CRIM1: variants seen among roughly 807,000 people sequenced by gnomAD.
The protein encoded by CRIM1 is cysteine-rich motor neuron 1 protein.
CRIM1 carries 32 observed loss-of-function variants against 116.4 expected under a neutral mutation model. The ratio of observed to expected loss-of-function variants is 0.27; its 90% confidence interval spans 0.21 to 0.37. The LOEUF (loss-of-function observed/expected upper bound fraction) is 0.37, where lower values mean the gene tolerates loss of function less well. Among genes scored for constraint, CRIM1 ranks in the 10% least tolerant of loss-of-function variants. CRIM1 has a pLI of 1.00. For synonymous variants in CRIM1, 590 were observed against 509.2 expected, an observed-to-expected ratio of 1.16 and a Z score of -2.13; for missense variants, 1,331 against 1,354.8, an observed-to-expected ratio of 0.98 and a Z score of 0.28.
At chr2:36,443,919 A>G (rs1676051691) in intron 4 of CRIM1, among the ~76,000 whole-genome samples, 1 of 152,256 alleles carries the variant, frequency 6.6e-6, no homozygotes, top group Admixed American at 6.5e-5. Context: ...TGTGAAGATA[A>G]CATACATTGG....
intron 2 of CRIM1, among the ~76,000 whole-genome samples, chr2:36,411,254 C>T (rs1673179639): frequency 1.3e-5 from 2 of 152,124 alleles, no homozygotes; most frequent in Admixed American, 1.3e-4. Flanking sequence ...GTTAACACTT[C>T]ATTGCAGCAT....
chr2:36,390,282 G>A (rs1157077105), intron 1 of CRIM1, among the ~76,000 whole-genome samples: 1 of 152,144 alleles, frequency 6.6e-6, no homozygotes, highest in Non-Finnish European at 1.5e-5. Flanking sequence ...GAGAGCTGTT[G>A]GGAAAAAATA....
chr2:36,538,138 C>T (rs1666685888), intron 14 of CRIM1, among the ~76,000 whole-genome samples: 1 of 152,190 alleles, frequency 6.6e-6, no homozygotes, highest in Non-Finnish European at 1.5e-5. Context: ...ATGCCTACAT[C>T]TTTCCCCACG....
At chr2:36,412,201 C>A (rs1031778222) in intron 2 of CRIM1, among the ~76,000 whole-genome samples, 2 of 151,426 alleles carry the variant, frequency 1.3e-5, no homozygotes, top group Admixed American at 1.3e-4. Context: ...TTGAAACATT[C>A]TCAGTAAATA....
At chr2:36,401,451 T>TA (rs1222137293) in intron 2 of CRIM1, among the ~76,000 whole-genome samples, 1 of 152,198 alleles carries the variant, frequency 6.6e-6, no homozygotes, top group Non-Finnish European at 1.5e-5. Context: ...CCTTACTACT[T>TA]ATTCATCAGT....
chr2:36,364,867 G>T (rs1669483405), intron 1 of CRIM1, among the ~76,000 whole-genome samples: 1 of 151,928 alleles, frequency 6.6e-6, no homozygotes, highest in Admixed American at 6.6e-5. Context: ...ATGTGTATAT[G>T]CTAGTTTCTG....
intron 13 of CRIM1, among the ~76,000 whole-genome samples, chr2:36,534,100 AAGG>A (rs1666316435): frequency 1.5e-5 from 2 of 131,396 alleles, no homozygotes; most frequent in Admixed American, 7.7e-5. Flanking sequence ...GAAAGGAAGG[AAGG>A]AGGGAGGGAA....
intron 11 of CRIM1, among the ~76,000 whole-genome samples, chr2:36,516,564 G>A (rs1665043083): frequency 6.6e-6 from 1 of 152,144 alleles, no homozygotes; most frequent in South Asian, 2.1e-4. Context: ...TCACCAGCCT[G>A]CCAGCATTTA....
chr2:36,407,343 A>T (rs1461906034), intron 2 of CRIM1, among the ~76,000 whole-genome samples: 1 of 152,218 alleles, frequency 6.6e-6, no homozygotes, highest in Non-Finnish European at 1.5e-5. Context: ...TAGCGATGTC[A>T]TTGGGAAAGA....
intron 4 of CRIM1, among the ~76,000 whole-genome samples, chr2:36,451,153 A>G (rs1676688323): frequency 6.6e-6 from 1 of 152,256 alleles, no homozygotes; most frequent in African/African-American, 2.4e-5. Flanking sequence ...CATGGAAGGC[A>G]GAACACTGGG....
intron 5 of CRIM1, among the ~76,000 whole-genome samples, chr2:36,471,726 A>AACAC (rs59120248): frequency 0.16 from 12,581 of 78,818 alleles, 706 homozygotes; most frequent in Middle Eastern, 0.26. Context: ...GATTAGCTTA[A>AACAC]ACACACACAC....
At chr2:36,544,625 C>T (rs575085412) in intron 15 of CRIM1, 127 bp downstream of exon 15, 427 of 958,880 alleles carry the variant, frequency 4.5e-4, no homozygotes, top group Non-Finnish European at 5.5e-4. Flanking sequence ...AATAACTATT[C>T]CCGGGCAGAC....
intron 2 of CRIM1, among the ~76,000 whole-genome samples, chr2:36,408,625 G>T (rs941505827): frequency 3.9e-5 from 6 of 152,214 alleles, no homozygotes; most frequent in African/African-American, 1.4e-4. Context: ...CCTGCAGAGC[G>T]GAGCTGCAGC....
chr2:36,530,137 T>C (rs1373423618), intron 13 of CRIM1, among the ~76,000 whole-genome samples: 1 of 152,244 alleles, frequency 6.6e-6, no homozygotes, highest in East Asian at 1.9e-4. Flanking sequence ...TTTAATCATT[T>C]CCTGACAGAA....
chr2:36,509,348 G>A (rs753928838), intron 8 of CRIM1, among the ~76,000 whole-genome samples: 6 of 152,212 alleles, frequency 3.9e-5, no homozygotes, highest in Non-Finnish European at 7.4e-5. Flanking sequence ...TAGAGAAGGC[G>A]AAACCGCATC....
At chr2:36,447,377 A>G (rs1214902197) in intron 4 of CRIM1, among the ~76,000 whole-genome samples, 1 of 152,230 alleles carries the variant, frequency 6.6e-6, no homozygotes, top group Non-Finnish European at 1.5e-5. Context: ...TGCATACCAC[A>G]TACGTGTTTC....
chr2:36,430,780 G>C (rs978322575), intron 2 of CRIM1, among the ~76,000 whole-genome samples: 25 of 152,198 alleles, frequency 1.6e-4, no homozygotes, highest in African/African-American at 6.0e-4. Flanking sequence ...TCTCACCAGG[G>C]AGAGCCTTTA....
intron 1 of CRIM1, among the ~76,000 whole-genome samples, chr2:36,365,635 G>A (rs1212525147): frequency 2.0e-5 from 3 of 152,172 alleles, no homozygotes; most frequent in Non-Finnish European, 4.4e-5. Flanking sequence ...TGCGGGGTAG[G>A]AAGAACACCT....
chr2:36,402,609 G>T (rs1672500701), intron 2 of CRIM1, among the ~76,000 whole-genome samples: 2 of 151,840 alleles, frequency 1.3e-5, no homozygotes, highest in Non-Finnish European at 2.9e-5. Context: ...GAGACTGGTT[G>T]GGGTAGGGAG....
Sources: gnomAD v4.1 joint callset for allele counts (sites outside exome capture counted in the v4.1 genomes callset) on GRCh38, gnomAD v4.1.1 for gene constraint, MANE v1.5 for transcripts, NCBI Gene and HGNC (gene_info 2026-07-23, HGNC 2026-07-21) for gene names.